HEATR6: variants seen among roughly 807,000 people sequenced by gnomAD.
The protein encoded by HEATR6 is HEAT repeat-containing protein 6.
In HEATR6, 106 loss-of-function variants were observed where a neutral mutation model predicts 132.8. The ratio of observed to expected loss-of-function variants is 0.80; its 90% CI spans 0.68 to 0.94. The LOEUF (loss-of-function observed/expected upper bound fraction) is 0.94. HEATR6 is among the 40% of genes least tolerant of loss of function. The pLI, the probability that HEATR6 is intolerant of heterozygous loss-of-function variation, is 0.00. For synonymous variants in HEATR6, 529 were observed against 537.8 expected (o/e 0.98, Z 0.23); for missense variants, 1,339 against 1,425.1 (o/e 0.94, Z 0.97).
chr17:60,046,107 A>C lies in HEATR6; in HGVS notation c.2892T>G (p.Val964=), dbSNP rs778828637. Residue 964 remains valine (V), a synonymous_variant, in exon 19 of 20, where the codon GTT becomes GTG. Coordinates refer to ENST00000184956, the MANE Select transcript of HEATR6 (RefSeq NM_022070.5). The stretch of plus-strand genomic sequence containing the variant: ...GGACTTTCATGGCAGCTTCTGTTAG[A>C]ACAGTAGAAATTAGGGCCTGGATAG... The part of the protein sequence containing the change: ...EESIQALIST[V]LTEAAMKVRW... 6.2e-7 allele frequency: 1 copy of C among 1,614,106 alleles called. No individual in the cohort carries two copies. Among genetic ancestry groups the C allele is most frequent in the Admixed American group, 1.7e-5 (1 of 60,022 alleles).
In HEATR6 at chr17:60,042,339, G is replaced by GAA. The variant is rs1200606930; in HGVS notation, c.*1223_*1224insTT. On this transcript the variant is annotated 3_prime_UTR_variant, in exon 20 of 20. Coordinates refer to ENST00000184956, the MANE Select transcript of HEATR6 (RefSeq NM_022070.5). ...GGAGCAGCAGCTCATCAGCTGTGAG[G>GAA]CACCGTCAGCATCCTTGCGTCCTGT... Among the ~76,000 whole-genome samples the GAA allele has an allele frequency of 6.6e-5, 10 of 152,140 alleles. No homozygotes were observed. Among genetic ancestry groups the GAA allele is most frequent in the African/African-American group, 2.4e-4 (10 of 41,574 alleles).
intron 16 of HEATR6, among the ~76,000 whole-genome samples, chr17:60,048,988 A>G (rs1313389239): frequency 7.9e-4 from 64 of 80,526 alleles, no homozygotes; most frequent in African/African-American, 3.7e-3. Flanking sequence ...TATATAATAT[A>G]TATATATATA....
chr17:60,057,407 T>C lies in HEATR6; in HGVS notation c.1724-4A>G. ...CTTGACACACGAACATTAACATCTG[T>C]CAAAGGAAGCAGTAAGAACTTATCA... On this transcript the variant is annotated splice_region_variant and splice_polypyrimidine_tract_variant and intron_variant, in intron 11 of 19. Transcript: ENST00000184956. 6.4e-7 allele frequency: 1 copy of C among 1,564,468 alleles called. No homozygotes were observed. Among genetic ancestry groups the C allele is most frequent in the Admixed American group, 1.8e-5 (1 of 56,660 alleles).
rs189032278 is a variant in HEATR6 at position 60,043,207 on chromosome 17, T to A, written c.*356A>T. On this transcript the variant is annotated 3_prime_UTR_variant, in exon 20 of 20. Transcript: ENST00000184956. ...TTGTGGACACACTATTTTTCGTTAG[T>A]TTATTACAAAACTACAGATACAATA... 1.2e-4 allele frequency: 32 copies of A among 259,216 alleles called. 1 individual carries two copies. The Middle Eastern group carries it at 1.7e-3, about 14-fold the overall frequency. 16.1% of individuals were successfully genotyped at this position (259,216 alleles called of 1,614,324 possible).
In HEATR6 at chr17:60,078,879, G is replaced by C; in HGVS notation, c.36C>G (p.Ser12=). ...AAVQVVGSWP[S]VQPREAPREA... The stretch of plus-strand genomic sequence containing the variant: ...CCCGCGGTGCCTCCCGCGGCTGCAC[G>C]GAAGGCCACGAACCGACAACTTGCA... The change falls in exon 1 of 20, where the codon TCC becomes TCG. Residue 12 remains serine (S), a synonymous_variant. Coordinates refer to ENST00000184956, the MANE Select transcript of HEATR6 (RefSeq NM_022070.5). The C allele has an allele frequency of 7.4e-7, 1 of 1,350,470 alleles. No individual in the cohort carries two copies. The highest frequency in any genetic ancestry group is 9.8e-7 in the Non-Finnish European group (1 of 1,018,226). 83.7% of individuals were successfully genotyped at this position (1,350,470 alleles called of 1,614,324 possible). A position where few individuals can be genotyped will look rare whatever the true frequency, so the allele number is the denominator to read the frequency against.
At chr17:60,072,626 G>T (rs565964600) in intron 4 of HEATR6, among the ~76,000 whole-genome samples, 1 of 152,238 alleles carries the variant, frequency 6.6e-6, no homozygotes, top group South Asian at 2.1e-4. Context: ...GTCCTAGGAG[G>T]GAAATAATCC....
chr17:60,055,152 G>A (rs947790040), intron 14 of HEATR6, among the ~76,000 whole-genome samples: 8 of 152,086 alleles, frequency 5.3e-5, no homozygotes, highest in African/African-American at 1.9e-4. Context: ...CTTCCACCAG[G>A]ATTTAAAGCT....
At chr17:60,077,813 T>C (rs1318632819) in intron 1 of HEATR6, among the ~76,000 whole-genome samples, 1 of 152,182 alleles carries the variant, frequency 6.6e-6, no homozygotes, top group Non-Finnish European at 1.5e-5. Flanking sequence ...CAGGCATAAG[T>C]CGCCTTGCCT....
chr17:60,077,090 T>C (rs2083300990), intron 1 of HEATR6, among the ~76,000 whole-genome samples: 1 of 152,136 alleles, frequency 6.6e-6, no homozygotes, highest in South Asian at 2.1e-4. Context: ...AACATGTTCC[T>C]GAACCTCAAA....
At chr17:60,063,954 T>C (rs976741329) in intron 9 of HEATR6, 2 of 152,208 alleles carry the variant, frequency 1.3e-5, no homozygotes, top group Non-Finnish European at 2.9e-5. Context: ...CCATTCTAAT[T>C]ACATGATCTG....
intron 8 of HEATR6, among the ~76,000 whole-genome samples, chr17:60,067,041 C>T (rs917231002): frequency 1.3e-5 from 2 of 151,942 alleles, no homozygotes; most frequent in South Asian, 2.1e-4. Flanking sequence ...GAGGCCGAGG[C>T]GGGCGGATCA....
intron 14 of HEATR6, among the ~76,000 whole-genome samples, chr17:60,052,867 G>A (rs751413457): frequency 4.6e-5 from 7 of 152,096 alleles, no homozygotes; most frequent in African/African-American, 9.7e-5. Context: ...GCGGGGACAC[G>A]GGTAACGGAA....
intron 14 of HEATR6, 54 bp downstream of exon 14, chr17:60,055,461 A>C: frequency 8.2e-7 from 1 of 1,212,818 alleles, no homozygotes; most frequent in Admixed American, 2.0e-5. Flanking sequence ...GCTTCAAAAT[A>C]AAACTGCAAC....
At chr17:60,051,096 T>C in intron 14 of HEATR6, 119 bp from the exon 15 acceptor site, 2 of 1,103,466 alleles carry the variant, frequency 1.8e-6, no homozygotes. Flanking sequence ...CAGCTTTCTG[T>C]AAGTGTTTTC....
In HEATR6 at chr17:60,076,172, G is replaced by A; in HGVS notation, c.285C>T (p.Ser95=). The A allele has an allele frequency of 6.2e-7, 1 of 1,611,974 alleles. No homozygotes were observed. The highest frequency in any genetic ancestry group is 8.5e-7 in the Non-Finnish European group (1 of 1,179,262). The change falls in exon 2 of 20, where the codon AGC becomes AGT. Residue 95 remains serine, a synonymous_variant. Transcript: ENST00000184956. ...AATGGTGGATAAGCTGGCTCACTTT[G>A]CTGACAAGATGATTCTGATTAAGAG... is the stretch of plus-strand genomic sequence containing the variant. ...LVPLNQNHLV[S]KVSQLIHHLL... is the part of the protein sequence containing the mutation.
In HEATR6 at chr17:60,067,593, CA is replaced by C. The variant is rs1466257576; in HGVS notation, c.1078del (p.Cys360ValfsTer12). ...RVNLHEGNTW[C>X]PSSLGVQSLP... ...ACTCTGGACACCCAGGGAGGAGGGA[CA>C]CCAAGTGTTCCCTTCATGCAGGTTC... On this transcript the variant is annotated frameshift_variant, in exon 8 of 20. Transcript: ENST00000184956. LOFTEE classifies it high-confidence loss of function. 2 of 1,612,962 alleles carry C rather than the reference CA, an allele frequency of 1.2e-6. No homozygotes were observed. Among genetic ancestry groups the C allele is most frequent in the Non-Finnish European group, 1.7e-6 (2 of 1,179,584 alleles).
Position 60,077,226 on chromosome 17 carries a change from ACTGTAAAGCAGAAT to A in HEATR6, c.220-1003_220-990del, listed in dbSNP as rs1192781002. Among the ~76,000 whole-genome samples, 3 of 152,366 alleles carry A rather than the reference ACTGTAAAGCAGAAT, an allele frequency of 2.0e-5. No individual in the cohort carries two copies. In the East Asian group the frequency reaches 5.8e-4, roughly 29 times the overall value. On this transcript the variant is annotated intron_variant, in intron 1 of 19. Transcript: ENST00000184956. Reference sequence around the variant, plus strand: ...TAATTAGGGAGGCCTTGTGGAGGTGACTGTAAAGCAGAATCTGGAATGATTTGAAGGATGAGGAG... The same window carrying A: ...TAATTAGGGAGGCCTTGTGGAGGTGACTGGAATGATTTGAAGGATGAGGAG...
intron 1 of HEATR6, 104 bp from the exon 2 acceptor site, chr17:60,076,341 T>A: frequency 6.5e-6 from 4 of 617,578 alleles, no homozygotes; most frequent in Non-Finnish European, 8.5e-6. Context: ...ACATTCAAAA[T>A]GGGGAAAGAA....
intron 17 of HEATR6, among the ~76,000 whole-genome samples, chr17:60,047,858 C>A (rs1906424696): frequency 6.6e-6 from 1 of 152,150 alleles, no homozygotes; most frequent in Admixed American, 6.5e-5. Flanking sequence ...GGGAGGGGAA[C>A]TAAGGTGTCA....
Sources: allele counts gnomAD v4.1 joint callset (sites outside exome capture counted in the v4.1 genomes callset), GRCh38; gene constraint gnomAD v4.1.1; transcripts MANE v1.5; gene names NCBI Gene and HGNC (gene_info 2026-07-23, HGNC 2026-07-21).